The following CDH18 variants were observed in gnomAD, a reference collection of about 807,000 sequenced individuals.
CDH18 encodes the protein cadherin 18, also known as cadherin-18.
Under a neutral mutation model 67.9 loss-of-function variants are expected in CDH18, and 31 were observed. The ratio of observed to expected loss-of-function variants is 0.46; its 90% confidence interval spans 0.34 to 0.62. CDH18 has a LOEUF of 0.62. Among genes scored for constraint, CDH18 ranks in the 20% least tolerant of loss-of-function variants. CDH18 has a pLI of 0.01. For synonymous variants in CDH18, 362 were observed against 347.2 expected, an observed-to-expected ratio of 1.04 and a Z score of -0.48; for missense variants, 890 against 975.5, an observed-to-expected ratio of 0.91 and a Z score of 1.17.
intron 5 of CDH18, among the ~76,000 whole-genome samples, chr5:19,677,139 G>A (rs1270746699): frequency 1.3e-5 from 2 of 152,078 alleles, no homozygotes; most frequent in Admixed American, 1.3e-4. Context: ...AAGAAAAAAT[G>A]TTAAATGCAG....
At chr5:19,839,819 C>T (rs1782072562) in intron 2 of CDH18, among the ~76,000 whole-genome samples, 2 of 151,974 alleles carry the variant, frequency 1.3e-5, no homozygotes, top group African/African-American at 2.4e-5. Flanking sequence ...CACACACAGA[C>T]AAGGCAGATT....
At chr5:19,484,502 A>G (rs922419591) in intron 11 of CDH18, among the ~76,000 whole-genome samples, 1 of 152,066 alleles carries the variant, frequency 6.6e-6, no homozygotes, top group Non-Finnish European at 1.5e-5. Flanking sequence ...ATAGCTGAAA[A>G]CCCACATGGT....
Position 20,467,985 on chromosome 5 carries a change from T to TTTATTTATGTAC in CDH18, c.-580+107476_-580+107477insGTACATAAATAA, listed in dbSNP as rs1320981693. On this transcript the variant is annotated intron_variant, in intron 1 of 14. Coordinates refer to the CDH18 transcript ENST00000507958. ...ATTATTCTATTTACTTACTTTTTAT[T>TTTATTTATGTAC]TTATTTATGTATTTATTTATGTATT... 2.0e-3 allele frequency among the ~76,000 whole-genome samples: 262 copies of TTTATTTATGTAC among 127,842 alleles called. 2 individuals are homozygous for TTTATTTATGTAC. The highest frequency in any genetic ancestry group is 4.1e-3 in the South Asian group (15 of 3,644). 83.9% of individuals were successfully genotyped at this position (127,842 alleles called of 152,430 possible).
chr5:19,566,271 T>A (rs1319391572), intron 8 of CDH18, among the ~76,000 whole-genome samples: 1 of 152,206 alleles, frequency 6.6e-6, no homozygotes, highest in Non-Finnish European at 1.5e-5. Flanking sequence ...CATATCCTGT[T>A]GGTGGGAACG....
intron 2 of CDH18, among the ~76,000 whole-genome samples, chr5:20,109,815 G>A (rs1747295325): frequency 6.6e-6 from 1 of 152,038 alleles, no homozygotes; most frequent in African/African-American, 2.4e-5. Flanking sequence ...ACTTCAAAGA[G>A]GTTTTTGAAT....
rs56036253 is a variant in CDH18, at chr5:20,102,215, AGTGTGTGTGTGT to A, written c.-517-110213_-517-110202del. Reference sequence around the variant, plus strand: ...TGAGATTGTATTCAGTGTTATGTGCAGTGTGTGTGTGTGTGTGTGTGTGTGTGTGTGTGTGTG... The same window carrying A: ...TGAGATTGTATTCAGTGTTATGTGCAGTGTGTGTGTGTGTGTGTGTGTGTG... On this transcript the variant is annotated intron_variant, in intron 2 of 14. Coordinates refer to the CDH18 transcript ENST00000507958. Among the ~76,000 whole-genome samples, 1,267 of 148,816 alleles carry A rather than the reference AGTGTGTGTGTGT, an allele frequency of 8.5e-3. 23 individuals are homozygous for A. Among genetic ancestry groups the A allele is most frequent in the Middle Eastern group, 0.024 (7 of 292 alleles).
At chr5:19,824,120 G>C (rs1381197377) in intron 3 of CDH18, among the ~76,000 whole-genome samples, 1 of 152,172 alleles carries the variant, frequency 6.6e-6, no homozygotes, top group Admixed American at 6.5e-5. Flanking sequence ...GCAATGTGTT[G>C]AATTCACGTT....
intron 2 of CDH18, among the ~76,000 whole-genome samples, chr5:20,138,300 T>C (rs546579000): frequency 2.0e-5 from 3 of 152,268 alleles, no homozygotes; most frequent in African/African-American, 7.2e-5. Context: ...AACTAGGTAT[T>C]GATGGGATGT....
Position 19,883,976 on chromosome 5 carries a change from C to T in CDH18, c.-256-44734G>A, listed in dbSNP as rs184554891. Among the ~76,000 whole-genome samples the T allele has an allele frequency of 7.2e-3, 1,097 of 152,116 alleles. 13 individuals carry two copies. The highest frequency in any genetic ancestry group is 7.9e-3 in the Non-Finnish European group (539 of 67,974). ...AGAATACAATTTGATTTGTGTTTTA[C>T]AGGCCATAAAGTGTTTATATCTTTT... On this transcript the variant is annotated intron_variant, in intron 2 of 12. Transcript: ENST00000382275.
At chr5:20,020,157 C>T (rs916287229) in intron 2 of CDH18, among the ~76,000 whole-genome samples, 3 of 152,130 alleles carry the variant, frequency 2.0e-5, no homozygotes, top group African/African-American at 7.2e-5. Flanking sequence ...AAGAAGTGGC[C>T]TGGCTGCTTC....
intron 1 of CDH18, among the ~76,000 whole-genome samples, chr5:20,293,474 T>C (rs1328920219): frequency 2.0e-5 from 3 of 152,006 alleles, no homozygotes; most frequent in African/African-American, 7.2e-5. Flanking sequence ...GAAAAGAAGA[T>C]TGTGTTGAAA....
intron 2 of CDH18, among the ~76,000 whole-genome samples, chr5:19,872,863 G>A (rs1475913411): frequency 1.3e-5 from 2 of 152,192 alleles, no homozygotes; most frequent in African/African-American, 2.4e-5. Context: ...CTCTGGAGAT[G>A]AGAATCCCAA....
At chr5:20,095,621 A>T (rs189172324) in intron 2 of CDH18, among the ~76,000 whole-genome samples, 1 of 151,782 alleles carries the variant, frequency 6.6e-6, no homozygotes, top group South Asian at 2.1e-4. Flanking sequence ...AGAAAAGAAA[A>T]GAAAGAAAGG....
At chr5:19,810,652 C>A (rs1004422303) in intron 3 of CDH18, among the ~76,000 whole-genome samples, 1 of 151,738 alleles carries the variant, frequency 6.6e-6, no homozygotes, top group African/African-American at 2.4e-5. Context: ...TTATATTTTT[C>A]TAATTAGGTG....
At chr5:19,512,276 G>T (rs901472368) in intron 10 of CDH18, among the ~76,000 whole-genome samples, 1 of 152,202 alleles carries the variant, frequency 6.6e-6, no homozygotes. Context: ...CAATCTATAT[G>T]CTTATTTAAA....
At chr5:20,319,795 A>T (rs928003339) in intron 1 of CDH18, among the ~76,000 whole-genome samples, 3 of 152,218 alleles carry the variant, frequency 2.0e-5, no homozygotes, top group Non-Finnish European at 2.9e-5. Flanking sequence ...AGTACTGGAA[A>T]AACACTATAT....
chr5:20,406,011 G>A (rs950926732), intron 1 of CDH18, among the ~76,000 whole-genome samples: 1 of 152,138 alleles, frequency 6.6e-6, no homozygotes, highest in Non-Finnish European at 1.5e-5. Flanking sequence ...CAACCATTGT[G>A]GAAGTCAGTG....
At chr5:19,988,727 C>T (rs555589966), upstream of CDH18, among the ~76,000 whole-genome samples, 817 of 152,126 alleles carry the variant, frequency 5.4e-3, 7 homozygotes, top group African/African-American at 0.019. Flanking sequence ...TTTTCATATT[C>T]CCGTGCAAAG....
At chr5:19,763,535 A>T (rs1405475535) in intron 3 of CDH18, among the ~76,000 whole-genome samples, 3 of 152,206 alleles carry the variant, frequency 2.0e-5, no homozygotes, top group Non-Finnish European at 4.4e-5. Context: ...AATTTGAGGC[A>T]TGCTAAATGT....
Sources: allele counts gnomAD v4.1 joint callset (sites outside exome capture counted in the v4.1 genomes callset), GRCh38; gene constraint gnomAD v4.1.1; transcripts MANE v1.5; gene names NCBI Gene and HGNC (gene_info 2026-07-23, HGNC 2026-07-21).